CALCRL: variants seen among roughly 807,000 people sequenced by gnomAD.
CALCRL encodes calcitonin receptor like receptor, also known as calcitonin gene-related peptide type 1 receptor.
Under a neutral mutation model 60.4 loss-of-function variants are expected in CALCRL, and 27 were observed. The ratio of observed to expected loss-of-function variants is 0.45; its 90% CI spans 0.33 to 0.62. CALCRL has a LOEUF of 0.62. CALCRL is among the 20% of genes least tolerant of loss of function. The probability of loss-of-function intolerance (pLI) is 0.03; values close to 1 mark genes in which losing one functional copy is unlikely to be tolerated. For missense variants in CALCRL, 424 were observed against 540.7 expected (o/e 0.78, Z 2.14); for synonymous variants, 190 against 182.6 (o/e 1.04, Z -0.33).
rs144395937 is a variant in CALCRL, at chr2:187,410,419, GA to G, written c.-292-22664del. On this transcript the variant is annotated intron_variant, in intron 1 of 14. Coordinates refer to ENST00000392370, the MANE Select transcript of CALCRL (RefSeq NM_005795.6). ...CCTACTTCACAAGTTGAGAAAGAAAGAAAAAAAAAAGGACACTGATTCTGAT... is the reference window on the plus strand; with the variant it reads ...CCTACTTCACAAGTTGAGAAAGAAAGAAAAAAAAAGGACACTGATTCTGAT... Among the ~76,000 whole-genome samples, 51 of 147,306 alleles carry G rather than the reference GA, an allele frequency of 3.5e-4. No homozygotes were observed. In the South Asian group the frequency reaches 6.9e-3, roughly 20 times the overall value.
In CALCRL at chr2:187,358,639, A is replaced by G. The variant is rs115177808; in HGVS notation, c.909+424T>C. 3.6e-3 allele frequency among the ~76,000 whole-genome samples: 548 copies of G among 152,060 alleles called. 3 individuals are homozygous for G. Among genetic ancestry groups the G allele is most frequent in the South Asian group, 0.015 (73 of 4,812 alleles). Reference sequence around the variant, plus strand: ...CATTTGCTGCATCTGGCTAATTGGAAAAACCAAAAGATAAGAGTATGGGAA... The same window carrying G: ...CATTTGCTGCATCTGGCTAATTGGAGAAACCAAAAGATAAGAGTATGGGAA... On this transcript the variant is annotated intron_variant, in intron 12 of 14. Coordinates refer to ENST00000392370, the MANE Select transcript of CALCRL (RefSeq NM_005795.6).
chr2:187,437,860 C>T (rs10203781), intron 1 of CALCRL, among the ~76,000 whole-genome samples: 51,707 of 151,874 alleles, frequency 0.34, 9,302 homozygotes, highest in African/African-American at 0.45. Flanking sequence ...AACCAGTGTG[C>T]TGCTTATGAT....
At chr2:187,417,735 T>G (rs1449884358) in intron 1 of CALCRL, among the ~76,000 whole-genome samples, 5 of 152,124 alleles carry the variant, frequency 3.3e-5, no homozygotes, top group Non-Finnish European at 7.4e-5. Context: ...CTAAATACTT[T>G]TCTCTTCAAT....
chr2:187,365,969 C>T (rs1383166179), intron 8 of CALCRL, among the ~76,000 whole-genome samples: 1 of 152,032 alleles, frequency 6.6e-6, no homozygotes, highest in Non-Finnish European at 1.5e-5. Flanking sequence ...ATAGGCCGGG[C>T]GCGGTGGCTC....
intron 8 of CALCRL, among the ~76,000 whole-genome samples, chr2:187,373,002 C>G (rs1272596785): frequency 6.6e-6 from 1 of 152,092 alleles, no homozygotes; most frequent in East Asian, 1.9e-4. Flanking sequence ...GAGTCTTAGT[C>G]TAATGCCTTT....
intron 8 of CALCRL, among the ~76,000 whole-genome samples, chr2:187,365,624 G>A (rs1195714929): frequency 1.3e-5 from 2 of 152,092 alleles, no homozygotes; most frequent in Middle Eastern, 3.2e-3. Context: ...GAGAAGGTTT[G>A]CTTAAACAGC....
In CALCRL at chr2:187,392,387, C is replaced by T. The variant is rs116013074; in HGVS notation, c.-292-4631G>A. Among the ~76,000 whole-genome samples the T allele has an allele frequency of 3.8e-3, 572 of 152,210 alleles. 5 individuals carry two copies. The highest frequency in any genetic ancestry group is 0.013 in the African/African-American group (548 of 41,548). ...CTTAATTTGCCATAAGGTTCACCCACCTGAACCTTTGTGTGAGCAAAGTTG... is the reference window on the plus strand; with the variant it reads ...CTTAATTTGCCATAAGGTTCACCCATCTGAACCTTTGTGTGAGCAAAGTTG... On this transcript the variant is annotated intron_variant, in intron 1 of 14. Transcript: ENST00000392370.
intron 1 of CALCRL, among the ~76,000 whole-genome samples, chr2:187,409,333 ATATT>A (rs1689261985): frequency 6.6e-6 from 1 of 152,212 alleles, no homozygotes; most frequent in Admixed American, 6.5e-5. Flanking sequence ...CTGTCAGAAG[ATATT>A]TATGAAATAC....
At position 187,359,290 on chromosome 2, in the gene CALCRL, A is replaced by G; in HGVS notation, c.782-18T>C. On this transcript the variant is annotated intron_variant, in intron 10 of 14. Coordinates refer to ENST00000392370, the MANE Select transcript of CALCRL (RefSeq NM_005795.6). The stretch of plus-strand genomic sequence containing the variant: ...TGGAAATCCTGTAATAACAAAAAAA[A>G]AAGAAAATAAATAGGCATTTTTTCT... 1 of 1,488,202 alleles carries G rather than the reference A, an allele frequency of 6.7e-7. No individual in the cohort carries two copies. The highest frequency in any genetic ancestry group is 9.0e-7 in the Non-Finnish European group (1 of 1,115,024). The allele number at this position is 1,488,202 out of a possible 1,614,324, so 92.2% of individuals were successfully genotyped here. A position where few individuals can be genotyped will look rare whatever the true frequency, so the allele number is the denominator to read the frequency against.
intron 3 of CALCRL, 66 bp from the exon 4 acceptor site, chr2:187,385,697 A>G: frequency 1.3e-6 from 1 of 795,236 alleles, no homozygotes; most frequent in South Asian, 1.7e-5. Context: ...ATGATTCTCA[A>G]CAGAAAATTT....
In CALCRL at chr2:187,346,216, C is replaced by T. The variant is rs1262875249; in HGVS notation, c.1354G>A (p.Val452Ile). The T allele has an allele frequency of 6.2e-7, 1 of 1,609,894 alleles. No homozygotes were observed. Among genetic ancestry groups the T allele is most frequent in the Non-Finnish European group, 8.5e-7 (1 of 1,177,470 alleles). ...TATAAATTTTCTGGTTTTAAGAGAA[C>T]ATTTTCAATATCATGGATGCTTTTT... is the stretch of plus-strand genomic sequence containing the variant. ...NGKSIHDIEN[V>I]LLKPENLYN The change falls in exon 15 of 15, where the codon GTT becomes ATT. Residue 452 changes from valine to isoleucine, a missense_variant. Transcript: ENST00000392370.
At chr2:187,381,497 G>A (rs527814482) in intron 5 of CALCRL, among the ~76,000 whole-genome samples, 21 of 151,070 alleles carry the variant, frequency 1.4e-4, no homozygotes, top group African/African-American at 3.9e-4. Context: ...TTGCTCTGTC[G>A]CCAGCTGGAG....
intron 9 of CALCRL, among the ~76,000 whole-genome samples, chr2:187,362,545 A>G (rs759690194): frequency 2.2e-4 from 33 of 149,060 alleles, no homozygotes; most frequent in Admixed American, 1.6e-3. Flanking sequence ...GTCACTAGAT[A>G]ATTTTTTCTT....
rs758743722 is a variant in CALCRL at position 187,383,299 on chromosome 2, C to G, written c.58G>C (p.Val20Leu). The G allele has an allele frequency of 1.9e-6, 3 of 1,596,166 alleles. No homozygotes were observed. Among genetic ancestry groups the G allele is most frequent in the Non-Finnish European group, 2.6e-6 (3 of 1,174,246 alleles). ...LVLLPFFMILVTAELEESPED... is the reference protein window; with the variant it reads ...LVLLPFFMILLTAELEESPED... ...GGACTCTCTTCTAATTCTGCTGTAA[C>G]AAGAATCTAAGGGATTAAAAAAACA... The change falls in exon 5 of 15, where the codon GTT (valine) becomes CTT (leucine). Residue 20 changes from valine to leucine, a missense_variant. By Grantham distance (32) the Val-to-Leu change is conservative. Transcript: ENST00000392370.
intron 1 of CALCRL, among the ~76,000 whole-genome samples, chr2:187,436,443 T>A (rs1435158915): frequency 6.6e-6 from 1 of 152,166 alleles, no homozygotes; most frequent in East Asian, 1.9e-4. Flanking sequence ...ACCCCTCCAC[T>A]TAAAAGCAGA....
At chr2:187,424,631 C>G (rs1357726677) in intron 1 of CALCRL, among the ~76,000 whole-genome samples, 5 of 151,652 alleles carry the variant, frequency 3.3e-5, no homozygotes, top group African/African-American at 4.8e-5. Context: ...GTAATATAGA[C>G]AAAAAAATTG....
chr2:187,356,308 A>T (rs1686783023), intron 12 of CALCRL, among the ~76,000 whole-genome samples: 1 of 152,206 alleles, frequency 6.6e-6, no homozygotes, highest in Non-Finnish European at 1.5e-5. Flanking sequence ...CAAAACAGAT[A>T]CATAGACCAA....
intron 8 of CALCRL, among the ~76,000 whole-genome samples, chr2:187,365,905 T>A (rs1687254976): frequency 6.7e-6 from 1 of 148,890 alleles, no homozygotes; most frequent in African/African-American, 2.5e-5. Context: ...AAGGGGAGAG[T>A]GGAGATGGGG....
intron 1 of CALCRL, among the ~76,000 whole-genome samples, chr2:187,437,496 C>T (rs1208209989): frequency 6.6e-6 from 1 of 152,032 alleles, no homozygotes; most frequent in Non-Finnish European, 1.5e-5. Context: ...TTCATCAAGC[C>T]TATTCAGATT....
Sources: allele counts gnomAD v4.1 joint callset (sites outside exome capture counted in the v4.1 genomes callset), GRCh38; gene constraint gnomAD v4.1.1; transcripts MANE v1.5; gene names NCBI Gene and HGNC (gene_info 2026-07-23, HGNC 2026-07-21).